CADM2: variants seen among roughly 807,000 people sequenced by gnomAD.
The protein encoded by CADM2 is cell adhesion molecule 2.
CADM2 carries 12 observed loss-of-function variants against 49.8 expected under a neutral mutation model. The ratio of observed to expected loss-of-function variants is 0.24; its 90% CI spans 0.15 to 0.39. The LOEUF is 0.39. Among genes scored for constraint, CADM2 ranks in the 10% least tolerant of loss-of-function variants. CADM2 has a pLI of 1.00. For missense variants in CADM2, 378 were observed against 492.3 expected (o/e 0.77, Z 2.20); for synonymous variants, 214 against 175.4 (o/e 1.22, Z -1.74).
At chr3:85,744,676 G>T (rs2068540349) in intron 2 of CADM2, among the ~76,000 whole-genome samples, 1 of 152,136 alleles carries the variant, frequency 6.6e-6, no homozygotes, top group South Asian at 2.1e-4. Flanking sequence ...TAAGATCAGA[G>T]CAAGGGCCCC....
chr3:85,891,636 T>C (rs752569942), intron 5 of CADM2, among the ~76,000 whole-genome samples: 1 of 152,196 alleles, frequency 6.6e-6, no homozygotes, highest in African/African-American at 2.4e-5. Context: ...ATTATTTTCC[T>C]GGCCTAGAAG....
At chr3:85,704,960 G>A (rs571438354) in intron 1 of CADM2, among the ~76,000 whole-genome samples, 3 of 149,746 alleles carry the variant, frequency 2.0e-5, no homozygotes, top group East Asian at 2.0e-4. Flanking sequence ...CCGGGTTCAC[G>A]CCATCCTACT....
chr3:85,759,365 C>A (rs1217156038), intron 2 of CADM2, among the ~76,000 whole-genome samples: 2 of 152,026 alleles, frequency 1.3e-5, no homozygotes, highest in Non-Finnish European at 2.9e-5. Context: ...CGAATATGGT[C>A]TACTATATAA....
chr3:86,058,411 T>A (rs1361398162), intron 8 of CADM2, among the ~76,000 whole-genome samples: 4 of 152,186 alleles, frequency 2.6e-5, no homozygotes, highest in Admixed American at 6.5e-5. Flanking sequence ...TTTCAGAGTA[T>A]TGATACATTT....
chr3:85,676,972 G>T (rs2065902760), intron 1 of CADM2, among the ~76,000 whole-genome samples: 1 of 152,050 alleles, frequency 6.6e-6, no homozygotes, highest in Admixed American at 6.6e-5. Flanking sequence ...CTTTCATATA[G>T]GTTTATAGAA....
chr3:85,965,342 TTATAA>T (rs1053251796), intron 8 of CADM2, among the ~76,000 whole-genome samples: 9 of 149,812 alleles, frequency 6.0e-5, no homozygotes, highest in Non-Finnish European at 1.0e-4. Context: ...ATAAATTCAT[TTATAA>T]TATGACATAC....
intron 2 of CADM2, among the ~76,000 whole-genome samples, chr3:85,782,141 T>C (rs781297802): frequency 2.0e-5 from 3 of 152,232 alleles, no homozygotes; most frequent in Non-Finnish European, 4.4e-5. Flanking sequence ...AAACAACTTC[T>C]ATCAATTATT....
At chr3:85,596,334 A>T (rs568318543) in intron 1 of CADM2, among the ~76,000 whole-genome samples, 1 of 152,100 alleles carries the variant, frequency 6.6e-6, no homozygotes, top group East Asian at 1.9e-4. Flanking sequence ...TTAGACCATA[A>T]ATGAAAAAAT....
At chr3:85,096,283 C>T (rs1385081959) in intron 1 of CADM2, among the ~76,000 whole-genome samples, 1 of 151,970 alleles carries the variant, frequency 6.6e-6, no homozygotes, top group Non-Finnish European at 1.5e-5. Flanking sequence ...ACTTATTACA[C>T]TAGAGCAGCA....
At chr3:85,545,493 G>T (rs983028258) in intron 1 of CADM2, among the ~76,000 whole-genome samples, 1 of 152,160 alleles carries the variant, frequency 6.6e-6, no homozygotes. Flanking sequence ...CTATATCTGT[G>T]TGATTCCAAA....
At chr3:85,886,966 TATG>T (rs1713745532) in intron 5 of CADM2, among the ~76,000 whole-genome samples, 1 of 152,254 alleles carries the variant, frequency 6.6e-6, no homozygotes, top group South Asian at 2.1e-4. Context: ...AAGAATTGTT[TATG>T]ATGATTATTA....
chr3:85,945,383 A>G (rs1451532935), intron 7 of CADM2, among the ~76,000 whole-genome samples: 3 of 152,168 alleles, frequency 2.0e-5, no homozygotes, highest in African/African-American at 7.2e-5. Flanking sequence ...TTCTGAAACT[A>G]TTCCAATCAA....
At chr3:85,097,713 C>A (rs1192228266) in intron 1 of CADM2, among the ~76,000 whole-genome samples, 5 of 152,152 alleles carry the variant, frequency 3.3e-5, no homozygotes, top group African/African-American at 1.2e-4. Context: ...CAATAATGGT[C>A]CATCACTCAC....
At chr3:85,152,254 A>C (rs2039945850) in intron 1 of CADM2, among the ~76,000 whole-genome samples, 1 of 152,162 alleles carries the variant, frequency 6.6e-6, no homozygotes, top group Middle Eastern at 3.2e-3. Context: ...TCTAATATTC[A>C]TATCCTTAAC....
chr3:85,504,753 C>G (rs941390583), intron 1 of CADM2, among the ~76,000 whole-genome samples: 1 of 152,168 alleles, frequency 6.6e-6, no homozygotes, highest in Non-Finnish European at 1.5e-5. Context: ...AGGCTCGGGC[C>G]GCACAGGAGC....
chr3:85,989,888 C>T (rs1360342813), intron 8 of CADM2, among the ~76,000 whole-genome samples: 1 of 151,382 alleles, frequency 6.6e-6, no homozygotes, highest in African/African-American at 2.4e-5. Flanking sequence ...TGGTGGGCGC[C>T]TGCAATCCCA....
intron 1 of CADM2, among the ~76,000 whole-genome samples, chr3:85,050,981 C>T (rs946295211): frequency 6.6e-5 from 10 of 152,104 alleles, no homozygotes; most frequent in Non-Finnish European, 1.2e-4. Flanking sequence ...CAAGGACTGC[C>T]GCTGAAAAGC....
chr3:85,816,640 A>G (rs1160417661), intron 3 of CADM2, among the ~76,000 whole-genome samples: 1 of 152,190 alleles, frequency 6.6e-6, no homozygotes, highest in Non-Finnish European at 1.5e-5. Context: ...ATATCATTAC[A>G]TGGCCATCCA....
intron 3 of CADM2, among the ~76,000 whole-genome samples, chr3:85,868,746 G>A (rs73847410): frequency 0.051 from 7,685 of 152,122 alleles, 555 homozygotes; most frequent in African/African-American, 0.16. Context: ...GTGTTTGTGT[G>A]TAATCTTTCC....
Sources: gnomAD v4.1 joint callset for allele counts (sites outside exome capture counted in the v4.1 genomes callset) on GRCh38, gnomAD v4.1.1 for gene constraint, MANE v1.5 for transcripts, NCBI Gene and HGNC (gene_info 2026-07-23, HGNC 2026-07-21) for gene names.